The following NTM variants were observed in gnomAD, a reference collection of about 807,000 sequenced individuals.
NTM encodes IgLON family member 2.
A neutral mutation model predicts 42.1 loss-of-function variants in NTM; 13 were observed. The ratio of observed to expected loss-of-function variants is 0.31; its 90% confidence interval spans 0.20 to 0.49. The LOEUF (loss-of-function observed/expected upper bound fraction) is 0.49. NTM is among the 20% of genes least tolerant of loss of function. NTM has a pLI of 0.99. For missense variants in NTM, 373 were observed against 452.8 expected (o/e 0.82, Z 1.60); for synonymous variants, 187 against 179.2 (o/e 1.04, Z -0.35).
chr11:131,921,596 T>TA (rs549790996), intron 2 of NTM, among the ~76,000 whole-genome samples: 3 of 152,246 alleles, frequency 2.0e-5, no homozygotes, highest in African/African-American at 7.2e-5. Context: ...ATTTGCATAT[T>TA]AAAAAAATAA....
At chr11:131,570,968 A>G (rs1592085456) in intron 1 of NTM, among the ~76,000 whole-genome samples, 1 of 152,248 alleles carries the variant, frequency 6.6e-6, no homozygotes, top group Non-Finnish European at 1.5e-5. Context: ...GAAGACAGCC[A>G]TGGAAGAGCT....
At chr11:132,253,596 C>T (rs2092197759) in intron 4 of NTM, among the ~76,000 whole-genome samples, 1 of 152,118 alleles carries the variant, frequency 6.6e-6, no homozygotes, top group Non-Finnish European at 1.5e-5. Flanking sequence ...TTATTTTTCC[C>T]CTTGTAAATA....
At chr11:131,554,925 T>G (rs1378179849) in intron 1 of NTM, among the ~76,000 whole-genome samples, 2 of 152,078 alleles carry the variant, frequency 1.3e-5, no homozygotes, top group African/African-American at 2.4e-5. Flanking sequence ...TTAATTAAAC[T>G]TTTCAAGCTG....
intron 1 of NTM, among the ~76,000 whole-genome samples, chr11:131,793,628 T>C (rs895113427): frequency 3.3e-5 from 5 of 152,216 alleles, no homozygotes; most frequent in African/African-American, 9.7e-5. Flanking sequence ...TGCTCTGTAA[T>C]AGTTCAGGTT....
chr11:131,876,567 C>A (rs1269666570), intron 1 of NTM, among the ~76,000 whole-genome samples: 1 of 152,196 alleles, frequency 6.6e-6, no homozygotes, highest in African/African-American at 2.4e-5. Context: ...TGAGGCATTT[C>A]AAAGCCAAAA....
intron 1 of NTM, among the ~76,000 whole-genome samples, chr11:131,516,440 G>A (rs762812929): frequency 7.2e-5 from 11 of 152,098 alleles, no homozygotes; most frequent in Non-Finnish European, 1.5e-4. Flanking sequence ...GAGCAGTGGC[G>A]CGATCTCGGC....
At chr11:132,334,301 G>A (rs1692200377) in intron 8 of NTM, among the ~76,000 whole-genome samples, 1 of 152,236 alleles carries the variant, frequency 6.6e-6, no homozygotes, top group Non-Finnish European at 1.5e-5. Flanking sequence ...ATACACTGGG[G>A]CAGGTTCTGC....
intron 2 of NTM, among the ~76,000 whole-genome samples, chr11:132,030,635 G>T (rs1484468421): frequency 6.6e-6 from 1 of 152,196 alleles, no homozygotes; most frequent in Non-Finnish European, 1.5e-5. Flanking sequence ...GAAGCCATTT[G>T]GATATTGTGG....
chr11:131,805,453 C>T (rs2092426447), intron 1 of NTM, among the ~76,000 whole-genome samples: 2 of 152,078 alleles, frequency 1.3e-5, no homozygotes, highest in Non-Finnish European at 2.9e-5. Flanking sequence ...TGTGTGAACT[C>T]CCAAACATGA....
At chr11:131,445,378 A>G (rs1206752952) in intron 1 of NTM, among the ~76,000 whole-genome samples, 2 of 152,228 alleles carry the variant, frequency 1.3e-5, no homozygotes, top group Admixed American at 1.3e-4. Flanking sequence ...ACAGTGCATC[A>G]TCTGAATGCA....
At chr11:131,603,194 G>A (rs1027951221) in intron 1 of NTM, among the ~76,000 whole-genome samples, 7 of 151,944 alleles carry the variant, frequency 4.6e-5, no homozygotes, top group Admixed American at 4.6e-4. Flanking sequence ...CACTAACTCG[G>A]TGCCATTTAT....
At chr11:131,882,734 G>A (rs1258282127) in intron 1 of NTM, among the ~76,000 whole-genome samples, 1 of 152,118 alleles carries the variant, frequency 6.6e-6, no homozygotes, top group African/African-American at 2.4e-5. Context: ...AAAAGAAAGG[G>A]AACAAATATT....
chr11:131,737,379 C>G (rs1182574905), intron 1 of NTM, among the ~76,000 whole-genome samples: 1 of 152,198 alleles, frequency 6.6e-6, no homozygotes, highest in Non-Finnish European at 1.5e-5. Flanking sequence ...CAGCAGAGAT[C>G]AAGAAGAACC....
intron 2 of NTM, among the ~76,000 whole-genome samples, chr11:132,013,529 A>G (rs958451593): frequency 2.0e-5 from 3 of 152,132 alleles, no homozygotes; most frequent in Non-Finnish European, 4.4e-5. Flanking sequence ...GGGAGTAAAC[A>G]GAATCTAGAA....
chr11:131,929,987 C>T (rs2058420795), intron 2 of NTM, among the ~76,000 whole-genome samples: 1 of 152,230 alleles, frequency 6.6e-6, no homozygotes, highest in East Asian at 1.9e-4. Context: ...TTTTTCATTG[C>T]TTTAAAAAAG....
chr11:132,218,135 T>C (rs1329094031), intron 4 of NTM, among the ~76,000 whole-genome samples: 11 of 152,032 alleles, frequency 7.2e-5, no homozygotes. Context: ...GGGCCCCGTG[T>C]GGCGCTGAGA....
At chr11:131,415,605 A>G (rs1353795284) in intron 1 of NTM, among the ~76,000 whole-genome samples, 1 of 152,116 alleles carries the variant, frequency 6.6e-6, no homozygotes, top group Non-Finnish European at 1.5e-5. Context: ...CCTTCTCCTA[A>G]ACCAGTAGCC....
chr11:131,883,853 G>C (rs922072726), intron 1 of NTM, among the ~76,000 whole-genome samples: 2 of 152,108 alleles, frequency 1.3e-5, no homozygotes, highest in African/African-American at 4.8e-5. Context: ...ATCTTTGTAC[G>C]TGGACAAGCC....
At chr11:131,796,479 A>G (rs1445617567) in intron 1 of NTM, among the ~76,000 whole-genome samples, 7 of 152,220 alleles carry the variant, frequency 4.6e-5, no homozygotes, top group South Asian at 2.1e-4. Context: ...GGGCCTTTGC[A>G]GGGAAAATGC....
Sources: allele counts gnomAD v4.1 joint callset (sites outside exome capture counted in the v4.1 genomes callset), GRCh38; gene constraint gnomAD v4.1.1; transcripts MANE v1.5; gene names NCBI Gene and HGNC (gene_info 2026-07-23, HGNC 2026-07-21).